Variants in SMARCAL1 observed in about 807,000 individuals in gnomAD.
SMARCAL1 encodes SNF2 related chromatin remodeling annealing helicase 1, also known as ATP-driven annealing helicase.
In SMARCAL1, 58 loss-of-function variants were observed where a neutral mutation model predicts 94.5. The ratio of observed to expected loss-of-function variants is 0.61; its 90% CI spans 0.50 to 0.76. The LOEUF is 0.76. SMARCAL1 is among the 30% of genes least tolerant of loss of function. The probability of loss-of-function intolerance (pLI) is 0.00; values close to 1 mark genes in which losing one functional copy is unlikely to be tolerated. For missense variants in SMARCAL1, 1,051 were observed against 1,177.9 expected (o/e 0.89, Z 1.58); for synonymous variants, 422 against 455.1 (o/e 0.93, Z 0.93).
Position 216,438,475 on chromosome 2 carries a change from C to A in SMARCAL1, c.1700C>A (p.Pro567Gln). ...ACTGCCCGCTGTCGAGCAGCTATGC[C>A]GGTCCTAAAGGTGAGTACTTCTGAG... ...SRTARCRAAM[P>Q]VLKVAKRVIL... Residue 567 changes from proline (P) to glutamine (Q), a missense_variant, in exon 10 of 18, where the codon CCG becomes CAG. Transcript: ENST00000357276. 1 of 1,613,738 alleles carries A rather than the reference C, an allele frequency of 6.2e-7. No homozygotes were observed. The highest frequency in any genetic ancestry group is 1.7e-5 in the Admixed American group (1 of 60,008).
chr2:216,432,999 G>A lies in SMARCAL1; in HGVS notation c.1485+131G>A. 3 of 1,184,784 alleles carry A rather than the reference G, an allele frequency of 2.5e-6. No individual in the cohort carries two copies. In the South Asian group the frequency reaches 3.7e-5, roughly 15 times the overall value. The allele number at this position is 1,184,784 out of a possible 1,614,324, so 73.4% of individuals were successfully genotyped here. On this transcript the variant is annotated intron_variant, in intron 8 of 17. Coordinates refer to ENST00000357276, the MANE Select transcript of SMARCAL1 (RefSeq NM_014140.4). ...TCTCAAGTAAAGGCAAAGGCAGGAA[G>A]AGAGATGAGATGCCACCTGAGGGCA...
Position 216,414,763 on chromosome 2 carries a change from C to G in SMARCAL1, c.59C>G (p.Ala20Gly), listed in dbSNP as rs1386481163. 1.9e-6 allele frequency: 3 copies of G among 1,614,124 alleles called. No individual in the cohort carries two copies. The highest frequency in any genetic ancestry group is 1.7e-6 in the Non-Finnish European group (2 of 1,180,060). The stretch of plus-strand genomic sequence containing the variant: ...AAGATTGAAGAGAATCGACAAAAGG[C>G]TCTGGCCCGCAGAGCTGAGAAGTTA... The part of the protein sequence containing the change: ...RKKIEENRQK[A>G]LARRAEKLLA... The change falls in exon 3 of 18, where the codon GCT becomes GGT. Residue 20 changes from alanine to glycine, a missense_variant. Ala to Gly is a moderately conservative substitution (Grantham distance 60, BLOSUM62 0). Around this residue, in one of 3 missense-constraint regions of SMARCAL1, gnomAD observed 398 missense variants for 395.2 expected, o/e 1.01. Coordinates refer to ENST00000357276, the MANE Select transcript of SMARCAL1 (RefSeq NM_014140.4).
intron 14 of SMARCAL1, among the ~76,000 whole-genome samples, chr2:216,469,305 A>G (rs1408539925): frequency 7.3e-6 from 1 of 136,468 alleles, no homozygotes; most frequent in African/African-American, 2.8e-5. Context: ...TTTTTTTGAA[A>G]CAGTCTTGCT....
In SMARCAL1 at chr2:216,447,126, G is replaced by A. The variant is rs370772350; in HGVS notation, c.1819G>A (p.Ala607Thr). The A allele has an allele frequency of 1.2e-6, 2 of 1,613,908 alleles. No individual in the cohort carries two copies. The highest frequency in any genetic ancestry group is 1.7e-6 in the Non-Finnish European group (2 of 1,180,022). Residue 607 changes from alanine to threonine, a missense_variant, in exon 11 of 18, where the codon GCC becomes ACC. This residue lies in a region of SMARCAL1 where 642 missense variants were observed against 754.7 expected (regional missense o/e 0.85). Coordinates refer to ENST00000357276, the MANE Select transcript of SMARCAL1 (RefSeq NM_014140.4). ...GCCAACTTTCTTCCCCCAGTTTCAT[G>A]CCTTTGGACTTCGCTACTGTGATGC... ...VKPTFFPQFH[A>T]FGLRYCDAKR...
chr2:216,431,754 C>T (rs1367036810), intron 7 of SMARCAL1, among the ~76,000 whole-genome samples: 1 of 152,164 alleles, frequency 6.6e-6, no homozygotes, highest in Non-Finnish European at 1.5e-5. Flanking sequence ...TAGTGGAATA[C>T]ACCTTTATTC....
At chr2:216,470,346 G>T (rs537510802) in intron 14 of SMARCAL1, among the ~76,000 whole-genome samples, 2 of 151,996 alleles carry the variant, frequency 1.3e-5, no homozygotes, top group Admixed American at 6.6e-5. Flanking sequence ...GTAGAGACGG[G>T]GTTCCACCAT....
Position 216,415,399 on chromosome 2 carries a change from A to G in SMARCAL1, c.695A>G (p.Lys232Arg). The G allele has an allele frequency of 6.2e-7, 1 of 1,614,222 alleles. No homozygotes were observed. Among genetic ancestry groups the G allele is most frequent in the Non-Finnish European group, 8.5e-7 (1 of 1,180,022 alleles). ...LQQKSGSSVQ[K>R]GVNSQKGKCV... ...CAGAAGTCAGGGTCCTCAGTCCAAA[A>G]AGGAGTGAACTCTCAGAAGGGAAAG... Residue 232 changes from lysine (K) to arginine (R), a missense_variant, in exon 3 of 18, where the codon AAA (lysine) becomes AGA (arginine). This residue lies in a region of SMARCAL1 where 398 missense variants were observed against 395.2 expected (regional missense o/e 1.01). Transcript: ENST00000357276.
intron 17 of SMARCAL1, among the ~76,000 whole-genome samples, chr2:216,478,718 A>G (rs1056182525): frequency 3.4e-4 from 51 of 152,176 alleles, no homozygotes; most frequent in Non-Finnish European, 4.4e-5. Context: ...CTGTCATTTT[A>G]TTTATTCTCA....
At chr2:216,456,543 A>G (rs1222240481) in intron 12 of SMARCAL1, among the ~76,000 whole-genome samples, 1 of 72,734 alleles carries the variant, frequency 1.4e-5, no homozygotes, top group Non-Finnish European at 2.5e-5. Flanking sequence ...CCAATATTCA[A>G]CATTCTTAAG....
At chr2:216,453,654 T>A (rs1287517189) in intron 12 of SMARCAL1, among the ~76,000 whole-genome samples, 2 of 152,212 alleles carry the variant, frequency 1.3e-5, no homozygotes, top group African/African-American at 4.8e-5. Context: ...TTATTTTTTT[T>A]ATGGTTTTAG....
intron 12 of SMARCAL1, among the ~76,000 whole-genome samples, chr2:216,460,050 G>C (rs955724666): frequency 6.6e-6 from 1 of 152,172 alleles, no homozygotes; most frequent in Non-Finnish European, 1.5e-5. Flanking sequence ...CTTCTCAAAA[G>C]AAGACATTTA....
In SMARCAL1 at chr2:216,455,234, C is replaced by G. The variant is rs1487240564; in HGVS notation, c.2070+4170C>G. ...GAACTGGGTGGAGCCCACCGCAGCT[C>G]AAGGAGGCCTGCCTGCCTCTGTAGA... On this transcript the variant is annotated intron_variant, in intron 12 of 17. Transcript: ENST00000357276. 2.0e-5 allele frequency among the ~76,000 whole-genome samples: 3 copies of G among 152,344 alleles called. No homozygotes were observed. The East Asian group carries it at 5.8e-4, about 29-fold the overall frequency.
In SMARCAL1 at chr2:216,464,637, G is replaced by C; in HGVS notation, c.2111G>C (p.Arg704Thr). The C allele has an allele frequency of 1.2e-6, 2 of 1,608,608 alleles. No individual in the cohort carries two copies. Among genetic ancestry groups the C allele is most frequent in the Non-Finnish European group, 8.5e-7 (1 of 1,177,882 alleles). The change falls in exon 13 of 18, where the codon AGA becomes ACA. Residue 704 changes from arginine (R) to threonine (T), a missense_variant. Coordinates refer to ENST00000357276, the MANE Select transcript of SMARCAL1 (RefSeq NM_014140.4). ...GATGCCCTCATTCTCTTCTTCAACA[G>C]AACAGCTGAAGCTAAAATCCCATCT... is the stretch of plus-strand genomic sequence containing the variant. ...QKDALILFFN[R>T]TAEAKIPSVI...
chr2:216,445,405 C>T (rs1407732526), intron 10 of SMARCAL1, among the ~76,000 whole-genome samples: 1 of 152,148 alleles, frequency 6.6e-6, no homozygotes, highest in Non-Finnish European at 1.5e-5. Flanking sequence ...GCTCCCATCA[C>T]TCTCTAGTCT....
intron 11 of SMARCAL1, among the ~76,000 whole-genome samples, chr2:216,450,034 G>A (rs1308389915): frequency 6.6e-6 from 1 of 152,024 alleles, no homozygotes; most frequent in East Asian, 1.9e-4. Flanking sequence ...ATAGGGTTTT[G>A]TCATGCTGGC....
In SMARCAL1 at chr2:216,451,017, G is replaced by A; in HGVS notation, c.2023G>A (p.Ala675Thr). 2.5e-6 allele frequency: 4 copies of A among 1,614,224 alleles called. No homozygotes were observed. The highest frequency in any genetic ancestry group is 3.4e-6 in the Non-Finnish European group (4 of 1,180,026). Residue 675 changes from alanine to threonine, a missense_variant, in exon 12 of 18, where the codon GCT becomes ACT. This residue lies in a region of SMARCAL1 where 642 missense variants were observed against 754.7 expected (regional missense o/e 0.85). Coordinates refer to ENST00000357276, the MANE Select transcript of SMARCAL1 (RefSeq NM_014140.4). ...AGGACGGATCAATGCCAGGACCAGA[G>A]CTGCCCTGGATGCTGCAGCCAAGGA... ...APGRINARTR[A>T]ALDAAAKEMT...
In SMARCAL1 at chr2:216,467,835, A is replaced by G. The variant is rs561649923; in HGVS notation, c.2142-109A>G. 1.6e-5 allele frequency: 12 copies of G among 761,220 alleles called. No homozygotes were observed. The South Asian group carries it at 1.7e-4, about 11-fold the overall frequency. 47.2% of individuals were successfully genotyped at this position (761,220 alleles called of 1,614,324 possible). ...GTCGGAGGTAAAGTGAAAACTGTTG[A>G]TCATCTTCTATGATCCCAGATAATA... On this transcript the variant is annotated intron_variant, in intron 13 of 17. Coordinates refer to ENST00000357276, the MANE Select transcript of SMARCAL1 (RefSeq NM_014140.4).
chr2:216,436,182 T>C (rs888143768), intron 9 of SMARCAL1, among the ~76,000 whole-genome samples: 3 of 152,160 alleles, frequency 2.0e-5, no homozygotes, highest in South Asian at 2.1e-4. Context: ...TTGGCCAAGC[T>C]AGTCTCGAAC....
chr2:216,435,058 G>A (rs748650836), intron 8 of SMARCAL1, among the ~76,000 whole-genome samples: 14 of 151,894 alleles, frequency 9.2e-5, no homozygotes, highest in African/African-American at 2.4e-4. Context: ...GGATTTCTCC[G>A]TGTTGGTCAG....
Sources: allele counts gnomAD v4.1 joint callset (sites outside exome capture counted in the v4.1 genomes callset), GRCh38; gene constraint gnomAD v4.1.1; regional missense constraint gnomAD v4.1.1; transcripts MANE v1.5; gene names NCBI Gene and HGNC (gene_info 2026-07-23, HGNC 2026-07-21).